The following PCDH15 variants were observed in gnomAD, a reference collection of about 807,000 sequenced individuals.
The protein encoded by PCDH15 is protocadherin related 15, also known as protocadherin-15.
In PCDH15, 129 loss-of-function variants were observed where a neutral mutation model predicts 178.5. The ratio of observed to expected loss-of-function variants is 0.72; its 90% CI spans 0.63 to 0.84. PCDH15 has a LOEUF of 0.84. Among genes scored for constraint, PCDH15 ranks in the 40% least tolerant of loss-of-function variants. The probability of loss-of-function intolerance (pLI) is 0.00; values close to 1 mark genes in which losing one functional copy is unlikely to be tolerated. For synonymous variants in PCDH15, 800 were observed against 732.0 expected (o/e 1.09, Z -1.50); for missense variants, 2,230 against 2,099.9 (o/e 1.06, Z -1.21).
chr10:55,195,689 G>T (rs2132152077), intron 1 of PCDH15, among the ~76,000 whole-genome samples: 1 of 149,758 alleles, frequency 6.7e-6, no homozygotes, highest in Non-Finnish European at 1.5e-5. Context: ...AAGGAGACAT[G>T]CGTGATAGAT....
chr10:54,945,755 T>G (rs1838183343), intron 2 of PCDH15, among the ~76,000 whole-genome samples: 1 of 151,680 alleles, frequency 6.6e-6, no homozygotes, highest in Admixed American at 6.6e-5. Flanking sequence ...AGGCTCAATC[T>G]TACCTCATCC....
At chr10:54,846,559 C>A (rs772448342) in intron 3 of PCDH15, among the ~76,000 whole-genome samples, 2 of 152,188 alleles carry the variant, frequency 1.3e-5, no homozygotes, top group African/African-American at 2.4e-5. Context: ...GCCATCATAC[C>A]AAACTCAACA....
chr10:55,321,165 T>C (rs762283730), upstream of PCDH15, among the ~76,000 whole-genome samples: 8 of 152,030 alleles, frequency 5.3e-5, no homozygotes, highest in Non-Finnish European at 1.0e-4. Context: ...GAAACTACTC[T>C]GATAGAGTTG....
intron 2 of PCDH15, among the ~76,000 whole-genome samples, chr10:55,596,069 C>T (rs576157642): frequency 1.3e-5 from 2 of 152,070 alleles, no homozygotes; most frequent in East Asian, 1.9e-4. Context: ...TTTAAATTTA[C>T]GTCCTGGTTA....
chr10:54,377,521 T>C (rs1373925014), intron 4 of PCDH15, among the ~76,000 whole-genome samples: 4 of 152,144 alleles, frequency 2.6e-5, no homozygotes, highest in Non-Finnish European at 5.9e-5. Context: ...ATAAAGCACA[T>C]AGTAAACTGT....
chr10:54,768,873 T>C (rs953856913), intron 1 of PCDH15, among the ~76,000 whole-genome samples: 3 of 152,148 alleles, frequency 2.0e-5, no homozygotes, highest in African/African-American at 7.2e-5. Context: ...TTTAGTTTCC[T>C]GCACAGACTA....
chr10:54,417,967 T>A (rs964505593), intron 3 of PCDH15, among the ~76,000 whole-genome samples: 4 of 152,144 alleles, frequency 2.6e-5, no homozygotes, highest in African/African-American at 9.7e-5. Context: ...CAGTAGCTAT[T>A]CAAAGGTGCA....
intron 1 of PCDH15, among the ~76,000 whole-genome samples, chr10:54,704,032 T>C (rs2095341022): frequency 6.6e-6 from 1 of 152,054 alleles, no homozygotes; most frequent in Non-Finnish European, 1.5e-5. Flanking sequence ...CAAATGGAGC[T>C]GGGGTAACTG....
At chr10:54,282,134 A>G (rs1276959079) in intron 8 of PCDH15, among the ~76,000 whole-genome samples, 1 of 152,080 alleles carries the variant, frequency 6.6e-6, no homozygotes. Context: ...TTATCTAACT[A>G]GCTATATGTG....
At chr10:54,216,404 C>T (rs1464118365) in intron 9 of PCDH15, among the ~76,000 whole-genome samples, 1 of 152,124 alleles carries the variant, frequency 6.6e-6, no homozygotes, top group Admixed American at 6.6e-5. Context: ...GTTGCGTGAG[C>T]TGAGATTGTG....
At chr10:54,780,768 A>T (rs1950284258) in intron 1 of PCDH15, among the ~76,000 whole-genome samples, 1 of 151,772 alleles carries the variant, frequency 6.6e-6, no homozygotes, top group Admixed American at 6.6e-5. Context: ...TCTAGAATAT[A>T]AATTATCTTT....
intron 19 of PCDH15, among the ~76,000 whole-genome samples, chr10:54,021,791 A>G (rs1199243229): frequency 6.6e-6 from 1 of 152,014 alleles, no homozygotes; most frequent in Non-Finnish European, 1.5e-5. Context: ...GAAAACTCGA[A>G]GAAAGCAGTA....
chr10:54,348,955 CATA>C (rs1943748841), intron 5 of PCDH15, among the ~76,000 whole-genome samples: 1 of 152,230 alleles, frequency 6.6e-6, no homozygotes, highest in East Asian at 1.9e-4. Context: ...TTTCACTTAA[CATA>C]ATGTCTTCCA....
intron 2 of PCDH15, among the ~76,000 whole-genome samples, chr10:55,583,601 T>C (rs1315380283): frequency 6.6e-6 from 1 of 152,034 alleles, no homozygotes; most frequent in Non-Finnish European, 1.5e-5. Flanking sequence ...GCCCAGCTAA[T>C]TTTTGTATTT....
intron 2 of PCDH15, among the ~76,000 whole-genome samples, chr10:55,379,120 A>ATATG (rs1304007763): frequency 6.6e-6 from 1 of 151,804 alleles, no homozygotes; most frequent in Non-Finnish European, 1.5e-5. Flanking sequence ...ATATATATAT[A>ATATG]TATGTATGTA....
At chr10:54,423,202 C>G (rs964353413) in intron 3 of PCDH15, among the ~76,000 whole-genome samples, 1 of 152,062 alleles carries the variant, frequency 6.6e-6, no homozygotes, top group Non-Finnish European at 1.5e-5. Flanking sequence ...CTTACCCAAA[C>G]CAGATGCTCC....
chr10:55,160,598 A>G (rs183822699), intron 2 of PCDH15, among the ~76,000 whole-genome samples: 468 of 152,160 alleles, frequency 3.1e-3, no homozygotes, highest in African/African-American at 0.01. Flanking sequence ...GAATGAAAGG[A>G]GTCCCTATCA....
intron 2 of PCDH15, among the ~76,000 whole-genome samples, chr10:55,028,907 T>C (rs1840542609): frequency 6.6e-6 from 1 of 152,098 alleles, no homozygotes; most frequent in African/African-American, 2.4e-5. Context: ...CATATTCTGA[T>C]TTAAAGTGCT....
intron 8 of PCDH15, among the ~76,000 whole-genome samples, chr10:54,316,907 C>G (rs1052104565): frequency 2.6e-5 from 4 of 152,080 alleles, no homozygotes; most frequent in Non-Finnish European, 5.9e-5. Flanking sequence ...TCCTATTGAC[C>G]TGTGTGTCCT....
Sources: allele counts gnomAD v4.1 joint callset (sites outside exome capture counted in the v4.1 genomes callset), GRCh38; gene constraint gnomAD v4.1.1; transcripts MANE v1.5; gene names NCBI Gene and HGNC (gene_info 2026-07-23, HGNC 2026-07-21).